The following GRIN2B variants were observed in gnomAD, a reference collection of about 807,000 sequenced individuals.
GRIN2B encodes the protein glutamate receptor ionotropic, NMDA 2B.
GRIN2B carries 5 observed loss-of-function variants against 114.5 expected under a neutral mutation model. The observed-to-expected ratio is 0.04, with a 90% CI of 0.02 to 0.09. The LOEUF (loss-of-function observed/expected upper bound fraction) is 0.09. GRIN2B is among the 10% of genes least tolerant of loss of function. The pLI is 1.00. For synonymous variants in GRIN2B, 787 were observed against 745.1 expected, an observed-to-expected ratio of 1.06 and a Z score of -0.92; for missense variants, 1,108 against 1,943.5, an observed-to-expected ratio of 0.57 and a Z score of 8.08.
At chr12:13,820,326 G>A (rs1591750371) in intron 3 of GRIN2B, among the ~76,000 whole-genome samples, 1 of 152,176 alleles carries the variant, frequency 6.6e-6, no homozygotes, top group Non-Finnish European at 1.5e-5. Context: ...CAGTGGAGAA[G>A]ACGTTGTCAT....
At chr12:13,682,629 A>G (rs1950141688) in intron 4 of GRIN2B, among the ~76,000 whole-genome samples, 1 of 152,220 alleles carries the variant, frequency 6.6e-6, no homozygotes, top group African/African-American at 2.4e-5. Flanking sequence ...AGTATCTTAA[A>G]TTCTAAATTA....
At chr12:13,787,979 A>T (rs1864247063) in intron 3 of GRIN2B, among the ~76,000 whole-genome samples, 1 of 152,206 alleles carries the variant, frequency 6.6e-6, no homozygotes, top group Admixed American at 6.5e-5. Context: ...TCTTCATAGC[A>T]GCCCCACGCC....
chr12:13,564,534 G>A lies in GRIN2B; in HGVS notation c.2704C>T (p.Leu902=). 1 of 1,614,112 alleles carries A rather than the reference G, an allele frequency of 6.2e-7. No individual in the cohort carries two copies. The highest frequency in any genetic ancestry group is 8.5e-7 in the Non-Finnish European group (1 of 1,179,948). Residue 902 remains leucine, a synonymous_variant, in exon 14 of 14, where the codon CTG becomes TTG. Coordinates refer to ENST00000609686, the MANE Select transcript of GRIN2B (RefSeq NM_000834.5). The surrounding 1 kb of genome is among the most constrained non-coding windows in gnomAD (Gnocchi z 4.8). ...TTAGCCATGTTCTTGGCCGTGCGCA[G>A]CAGGCGCAGGATGTTGGAGTGTGTG... ...NNTHSNILRL[L]RTAKNMANLS...
intron 4 of GRIN2B, among the ~76,000 whole-genome samples, chr12:13,700,593 A>G (rs1950302919): frequency 6.6e-6 from 1 of 152,144 alleles, no homozygotes; most frequent in Admixed American, 6.5e-5. Context: ...AAAGGCCCAC[A>G]TGGAAGAGAA....
chr12:13,639,499 G>A (rs969210706), intron 5 of GRIN2B, among the ~76,000 whole-genome samples: 2 of 152,050 alleles, frequency 1.3e-5, no homozygotes, highest in African/African-American at 4.8e-5. Flanking sequence ...CTCCTTTTAC[G>A]TTCCCACACG....
chr12:13,745,691 A>G (rs757810995), intron 4 of GRIN2B, among the ~76,000 whole-genome samples: 6 of 152,196 alleles, frequency 3.9e-5, no homozygotes, highest in Non-Finnish European at 7.3e-5. Context: ...GATGAGCACT[A>G]AAGACTCTTC....
chr12:13,628,693 C>A (rs916887376), intron 5 of GRIN2B, among the ~76,000 whole-genome samples: 1 of 152,222 alleles, frequency 6.6e-6, no homozygotes, highest in Admixed American at 6.5e-5. Context: ...GCTTTTATCA[C>A]TGCAGGGTGC....
At chr12:13,643,492 C>T (rs969272269) in intron 5 of GRIN2B, among the ~76,000 whole-genome samples, 4 of 152,110 alleles carry the variant, frequency 2.6e-5, no homozygotes, top group South Asian at 2.1e-4. Context: ...CTCGCCTCCA[C>T]GTTGATGGCT....
intron 3 of GRIN2B, among the ~76,000 whole-genome samples, chr12:13,806,052 A>G (rs1864594103): frequency 6.6e-6 from 1 of 152,144 alleles, no homozygotes; most frequent in Non-Finnish European, 1.5e-5. Context: ...ATTGTAAATG[A>G]CACAACTTCC....
At chr12:13,693,328 C>T (rs189761096) in intron 4 of GRIN2B, among the ~76,000 whole-genome samples, 27 of 151,976 alleles carry the variant, frequency 1.8e-4, no homozygotes, top group Non-Finnish European at 3.7e-4. Flanking sequence ...TTAAAATTAC[C>T]CAGCAAATAT....
intron 3 of GRIN2B, among the ~76,000 whole-genome samples, chr12:13,825,496 T>TTTTTTTTTTTTTGTG (rs375940899): frequency 1.5e-4 from 18 of 122,994 alleles, no homozygotes; most frequent in African/African-American, 5.6e-4. Flanking sequence ...TATATATATT[T>TTTTTTTTTTTTTGTG]TGTGTGTGTG....
At chr12:13,862,983 T>C (rs1865772898) in intron 3 of GRIN2B, among the ~76,000 whole-genome samples, 1 of 152,212 alleles carries the variant, frequency 6.6e-6, no homozygotes, top group Non-Finnish European at 1.5e-5. Context: ...AAACTATTCT[T>C]TCCAGGTCAA....
rs2136393659 is a variant in GRIN2B at position 13,556,142 on chromosome 12, C to A, written c.*6641G>T. ...GCAAGGTTGTGGTTAGAGAGGAAATCCCAGAGTTTTAGCTCTGGGAGGTGT... is the reference window on the plus strand; with the variant it reads ...GCAAGGTTGTGGTTAGAGAGGAAATACCAGAGTTTTAGCTCTGGGAGGTGT... On this transcript the variant is annotated 3_prime_UTR_variant, in exon 14 of 14. Transcript: ENST00000609686. 6.6e-6 allele frequency: 1 copy of A among 152,192 alleles called. No individual in the cohort carries two copies. The highest frequency in any genetic ancestry group is 1.9e-4 in the East Asian group (1 of 5,172). 9.4% of individuals were successfully genotyped at this position (152,192 alleles called of 1,614,324 possible).
intron 3 of GRIN2B, among the ~76,000 whole-genome samples, chr12:13,826,220 CA>C (rs941415654): frequency 2.7e-4 from 41 of 152,200 alleles, no homozygotes; most frequent in Non-Finnish European, 5.1e-4. Context: ...CCTATAATCC[CA>C]GCACTTTGGG....
At chr12:13,575,256 T>C (rs1948760133) in intron 10 of GRIN2B, among the ~76,000 whole-genome samples, 1 of 152,188 alleles carries the variant, frequency 6.6e-6, no homozygotes, top group African/African-American at 2.4e-5. Flanking sequence ...ATAAAAAAGA[T>C]AAGCCACCGA....
intron 3 of GRIN2B, among the ~76,000 whole-genome samples, chr12:13,848,788 A>G (rs1021827045): frequency 3.3e-5 from 5 of 152,206 alleles, no homozygotes; most frequent in African/African-American, 1.2e-4. Flanking sequence ...CAAGAGTGGA[A>G]TACACCAACG....
intron 3 of GRIN2B, among the ~76,000 whole-genome samples, chr12:13,848,416 A>G (rs1865503700): frequency 1.3e-5 from 2 of 152,134 alleles, no homozygotes; most frequent in South Asian, 2.1e-4. Flanking sequence ...CAGTGCCAGG[A>G]GCAGAGGGAA....
At chr12:13,849,202 TG>T (rs1865517488) in intron 3 of GRIN2B, among the ~76,000 whole-genome samples, 1 of 151,760 alleles carries the variant, frequency 6.6e-6, no homozygotes, top group Non-Finnish European at 1.5e-5. Flanking sequence ...GGACAAGAAC[TG>T]GGACTCTGGC....
chr12:13,885,816 G>A lies in GRIN2B; in HGVS notation c.-18-19590C>T, dbSNP rs182351867. On this transcript the variant is annotated intron_variant, in intron 2 of 13. Coordinates refer to ENST00000609686, the MANE Select transcript of GRIN2B (RefSeq NM_000834.5). ...CACAGAAGGAAATAAAGGTGGTAACGGTATATAGCTTAGTTGAGAGCACAT... is the reference window on the plus strand; with the variant it reads ...CACAGAAGGAAATAAAGGTGGTAACAGTATATAGCTTAGTTGAGAGCACAT... Among the ~76,000 whole-genome samples the A allele has an allele frequency of 1.1e-3, 174 of 152,264 alleles. 1 individual carries two copies. The highest frequency in any genetic ancestry group is 3.9e-3 in the African/African-American group (161 of 41,546).
Sources: allele counts gnomAD v4.1 joint callset (sites outside exome capture counted in the v4.1 genomes callset), GRCh38; gene constraint gnomAD v4.1.1; non-coding constraint Gnocchi (gnomAD v3.1); transcripts MANE v1.5; gene names NCBI Gene and HGNC (gene_info 2026-07-23, HGNC 2026-07-21).